CSMD2: variants seen among roughly 807,000 people sequenced by gnomAD.
The protein encoded by CSMD2 is CUB and sushi domain-containing protein 2.
CSMD2 carries 130 observed loss-of-function variants against 398.5 expected under a neutral mutation model. That is an observed-to-expected ratio of 0.33 (90% CI 0.28 to 0.38). CSMD2 has a LOEUF of 0.38. CSMD2 is among the 10% of genes least tolerant of loss of function. The pLI is 1.00. For synonymous variants in CSMD2, 1,828 were observed against 1,908.5 expected (o/e 0.96, Z 1.10); for missense variants, 3,829 against 4,764.9 (o/e 0.80, Z 5.78).
At chr1:34,111,675 T>C (rs1030288248) in intron 1 of CSMD2, among the ~76,000 whole-genome samples, 1 of 152,152 alleles carries the variant, frequency 6.6e-6, no homozygotes, top group African/African-American at 2.4e-5. Flanking sequence ...AGCTCACACA[T>C]ACAATAACAT....
intron 13 of CSMD2, among the ~76,000 whole-genome samples, chr1:33,764,288 C>T (rs1650205648): frequency 6.6e-6 from 1 of 152,104 alleles, no homozygotes; most frequent in Admixed American, 6.6e-5. Flanking sequence ...ATACACTTCC[C>T]AGGCTGCCCC....
intron 3 of CSMD2, among the ~76,000 whole-genome samples, chr1:33,941,623 T>G (rs1644677366): frequency 6.6e-6 from 1 of 152,190 alleles, no homozygotes; most frequent in African/African-American, 2.4e-5. Flanking sequence ...CCCAGATCTG[T>G]GCTAGGCACT....
intron 41 of CSMD2, chr1:33,606,033 G>A: frequency 6.3e-7 from 1 of 1,581,350 alleles, no homozygotes; most frequent in Non-Finnish European, 8.6e-7. Flanking sequence ...GCTGGGCTAA[G>A]GGACGTGTGG....
Position 33,527,263 on chromosome 1 carries a change from T to G in CSMD2, c.10172-5A>C. 1 of 1,610,608 alleles carries G rather than the reference T, an allele frequency of 6.2e-7. No individual in the cohort carries two copies. The highest frequency in any genetic ancestry group is 1.1e-5 in the South Asian group (1 of 90,458). ...GTCTCCCACTGGGCCGGACCTCTGC[T>G]GGGGAAAAAGAGTGGAAGAAAACAG... On this transcript the variant is annotated splice_polypyrimidine_tract_variant and splice_region_variant and intron_variant, in intron 64 of 70. Coordinates refer to ENST00000373381, the MANE Select transcript of CSMD2 (RefSeq NM_001281956.2).
At chr1:33,707,691 GCGCGCACACACACACACACA>G (rs59476330) in intron 22 of CSMD2, among the ~76,000 whole-genome samples, 1,706 of 56,870 alleles carry the variant, frequency 0.03, 38 homozygotes, top group African/African-American at 0.077. Flanking sequence ...ACACGCGCGC[GCGCGCACACACACACACACA>G]CACACACACA....
intron 15 of CSMD2, among the ~76,000 whole-genome samples, chr1:33,733,603 G>A (rs1281919016): frequency 6.6e-6 from 1 of 152,142 alleles, no homozygotes; most frequent in East Asian, 1.9e-4. Context: ...CGTGTCAAGG[G>A]CAGGACCAGG....
At chr1:34,110,059 A>AAG (rs1660909880) in intron 1 of CSMD2, among the ~76,000 whole-genome samples, 1 of 151,182 alleles carries the variant, frequency 6.6e-6, no homozygotes. Flanking sequence ...AAAAAAAAAA[A>AAG]AAGACATATA....
At chr1:33,669,889 C>A (rs1644435813) in intron 25 of CSMD2, among the ~76,000 whole-genome samples, 2 of 152,166 alleles carry the variant, frequency 1.3e-5, no homozygotes, top group Admixed American at 1.3e-4. Flanking sequence ...GTCTGCAACA[C>A]AAGGAATGCG....
rs41265917 is a variant in CSMD2, at chr1:33,788,759, C to T, written c.1551-47G>A. The T allele has an allele frequency of 1.1e-4, 133 of 1,185,040 alleles. 1 individual carries two copies. The highest frequency in any genetic ancestry group is 1.5e-4 in the South Asian group (12 of 82,102). 73.4% of individuals were successfully genotyped at this position (1,185,040 alleles called of 1,614,324 possible). On this transcript the variant is annotated intron_variant, in intron 11 of 70. Transcript: ENST00000373381. ...GAGGTGTGCTCTCCACCATGACACC[C>T]GAATAGAATGATTGCCTGACCGATG...
At chr1:33,735,286 C>T (rs534243668) in intron 15 of CSMD2, among the ~76,000 whole-genome samples, 1 of 152,310 alleles carries the variant, frequency 6.6e-6, no homozygotes, top group East Asian at 1.9e-4. Flanking sequence ...ACAATAACGA[C>T]ATCTATTTCC....
chr1:33,627,228 T>TG (rs1453587267), intron 32 of CSMD2, among the ~76,000 whole-genome samples: 1 of 152,024 alleles, frequency 6.6e-6, no homozygotes, highest in East Asian at 1.9e-4. Context: ...ACACACAAAC[T>TG]GGGGGGAACC....
chr1:33,754,572 T>C (rs546923), intron 13 of CSMD2, among the ~76,000 whole-genome samples: 1,548 of 152,320 alleles, frequency 0.01, 25 homozygotes, highest in African/African-American at 0.035. Flanking sequence ...AGGAAGAGCA[T>C]AGGAAATATC....
At chr1:33,689,474 C>T (rs1645164337) in intron 25 of CSMD2, among the ~76,000 whole-genome samples, 1 of 152,132 alleles carries the variant, frequency 6.6e-6, no homozygotes, top group Non-Finnish European at 1.5e-5. Context: ...GAGGACGTTT[C>T]CTGTATTGGT....
chr1:34,057,221 C>G (rs1412476821), intron 2 of CSMD2, among the ~76,000 whole-genome samples: 3 of 152,138 alleles, frequency 2.0e-5, no homozygotes. Context: ...CCTGGTCTCT[C>G]TGCTTGATTC....
rs534732815 is a variant in CSMD2 at position 34,123,127 on chromosome 1, T to A, written c.188-33934A>T. Among the ~76,000 whole-genome samples, 3 of 152,242 alleles carry A rather than the reference T, an allele frequency of 2.0e-5. No homozygotes were observed. The East Asian group carries it at 5.8e-4, about 29-fold the overall frequency. ...TTTCTTTTGTGTGATAGGTTCAAAG[T>A]GGGGCTGATCACTGGAAAGAATAAG... On this transcript the variant is annotated intron_variant, in intron 1 of 70. Coordinates refer to ENST00000373381, the MANE Select transcript of CSMD2 (RefSeq NM_001281956.2).
At chr1:33,834,056 G>A (rs897688974) in intron 6 of CSMD2, among the ~76,000 whole-genome samples, 17 of 135,688 alleles carry the variant, frequency 1.3e-4, no homozygotes, top group Non-Finnish European at 1.7e-4. Flanking sequence ...AATCAATATC[G>A]TGAAAATGGC....
intron 1 of CSMD2, among the ~76,000 whole-genome samples, chr1:34,139,508 A>G (rs543470194): frequency 6.6e-6 from 1 of 152,310 alleles, no homozygotes; most frequent in African/African-American, 2.4e-5. Context: ...TGGTTATTCT[A>G]TTATAAGCAA....
intron 29 of CSMD2, among the ~76,000 whole-genome samples, chr1:33,639,299 C>T (rs1278491952): frequency 6.6e-6 from 1 of 152,230 alleles, no homozygotes; most frequent in African/African-American, 2.4e-5. Flanking sequence ...TAAATGTCTA[C>T]CTTGTTCAGG....
intron 15 of CSMD2, among the ~76,000 whole-genome samples, chr1:33,735,126 G>T (rs528953005): frequency 5.3e-5 from 8 of 152,294 alleles, no homozygotes; most frequent in Admixed American, 4.6e-4. Context: ...TTTCATAGAG[G>T]TGTTGGAAAC....
Sources: allele counts gnomAD v4.1 joint callset (sites outside exome capture counted in the v4.1 genomes callset), GRCh38; gene constraint gnomAD v4.1.1; transcripts MANE v1.5; gene names NCBI Gene and HGNC (gene_info 2026-07-23, HGNC 2026-07-21).